The following RPTOR variants were observed in gnomAD, a reference collection of about 807,000 sequenced individuals.
RPTOR encodes the protein regulatory associated protein of MTOR complex 1, also known as regulatory-associated protein of mTOR.
In RPTOR, 21 loss-of-function variants were observed where a neutral mutation model predicts 169.9. The observed-to-expected ratio is 0.12, with a 90% CI of 0.09 to 0.18. RPTOR has a LOEUF of 0.18. RPTOR is among the 10% of genes least tolerant of loss of function. The pLI, the probability that RPTOR is intolerant of heterozygous loss-of-function variation, is 1.00. For missense variants in RPTOR, 1,133 were observed against 1,855.9 expected, an observed-to-expected ratio of 0.61 and a Z score of 7.16; for synonymous variants, 732 against 753.2, an observed-to-expected ratio of 0.97 and a Z score of 0.46.
At chr17:80,616,525 C>T (rs2065311629) in intron 1 of RPTOR, among the ~76,000 whole-genome samples, 1 of 152,178 alleles carries the variant, frequency 6.6e-6, no homozygotes, top group South Asian at 2.1e-4. Context: ...TCTCGAACTC[C>T]TGACCTCGTG....
Position 80,885,021 on chromosome 17 carries a change from C to T in RPTOR, c.1856C>T (p.Ala619Val), listed in dbSNP as rs768126116. Residue 619 changes from alanine (A) to valine (V), a missense_variant, in exon 17 of 34, where the codon GCG becomes GTG. This residue lies in a region of RPTOR where 289 missense variants were observed against 585.8 expected (regional missense o/e 0.49). Coordinates refer to ENST00000306801, the MANE Select transcript of RPTOR (RefSeq NM_020761.3). Reference protein sequence around the residue: ...SDPIPEVRCAAVFALGTFVGN... With the variant: ...SDPIPEVRCAVVFALGTFVGN... ...GCCGCCTTGCAGGTCCGCTGCGCAG[C>T]GGTCTTCGCCCTTGGCACGTTCGTG... is the stretch of plus-strand genomic sequence containing the variant. 24 of 1,609,278 alleles carry T rather than the reference C, an allele frequency of 1.5e-5. No individual in the cohort carries two copies. The highest frequency in any genetic ancestry group is 1.7e-5 in the Non-Finnish European group (20 of 1,178,698).
chr17:80,640,372 A>C (rs1050306682), intron 2 of RPTOR, among the ~76,000 whole-genome samples: 10 of 152,250 alleles, frequency 6.6e-5, no homozygotes, highest in African/African-American at 2.4e-4. Flanking sequence ...AATTATACTT[A>C]ATCAAATGCT....
At chr17:80,655,620 A>C (rs879410314) in intron 3 of RPTOR, among the ~76,000 whole-genome samples, 9 of 147,976 alleles carry the variant, frequency 6.1e-5, no homozygotes, top group Non-Finnish European at 1.3e-4. Context: ...TTTGTCACTC[A>C]GGCTGGAGTG....
chr17:80,837,091 G>A (rs941921498), intron 9 of RPTOR, among the ~76,000 whole-genome samples: 21 of 152,178 alleles, frequency 1.4e-4, no homozygotes, highest in Admixed American at 2.6e-4. Context: ...CACGTTCACC[G>A]TGACGGGAAG....
intron 21 of RPTOR, among the ~76,000 whole-genome samples, chr17:80,916,345 A>G (rs1017980873): frequency 5.9e-5 from 9 of 152,226 alleles, no homozygotes; most frequent in African/African-American, 2.2e-4. Context: ...AGCTGCTTGT[A>G]GTACACCTGG....
At chr17:80,751,305 G>A (rs1598280553) in intron 5 of RPTOR, among the ~76,000 whole-genome samples, 1 of 152,178 alleles carries the variant, frequency 6.6e-6, no homozygotes, top group Admixed American at 6.5e-5. Context: ...GGCAAAAGCA[G>A]CCCTAAAATC....
intron 1 of RPTOR, among the ~76,000 whole-genome samples, chr17:80,599,417 G>T (rs1262757012): frequency 6.6e-6 from 1 of 152,242 alleles, no homozygotes; most frequent in Non-Finnish European, 1.5e-5. Context: ...AGTAAAGGGA[G>T]GTTTGTTAAG....
intron 1 of RPTOR, among the ~76,000 whole-genome samples, chr17:80,610,124 C>A (rs1421593760): frequency 6.6e-6 from 1 of 152,274 alleles, no homozygotes; most frequent in East Asian, 1.9e-4. Context: ...TCCTCATCCT[C>A]CTCTATCTCT....
chr17:80,903,689 G>A (rs1220238790), intron 20 of RPTOR, among the ~76,000 whole-genome samples: 2 of 152,178 alleles, frequency 1.3e-5, no homozygotes, highest in Non-Finnish European at 2.9e-5. Context: ...AAGGCATCGA[G>A]AAGCTGAAAG....
intron 3 of RPTOR, among the ~76,000 whole-genome samples, chr17:80,680,393 T>C (rs1251676805): frequency 6.6e-6 from 1 of 152,204 alleles, no homozygotes; most frequent in African/African-American, 2.4e-5. Context: ...CCCAGCACTT[T>C]GGGAGGCCCA....
intron 3 of RPTOR, among the ~76,000 whole-genome samples, chr17:80,665,606 G>A (rs149284042): frequency 0.027 from 3,806 of 138,452 alleles, 428 homozygotes; most frequent in African/African-American, 0.12. Context: ...GTGCAGTGGC[G>A]TGATCTCGGC....
intron 22 of RPTOR, 112 bp from the exon 23 acceptor site, chr17:80,923,378 G>A: frequency 8.4e-7 from 1 of 1,188,726 alleles, no homozygotes; most frequent in East Asian, 2.4e-5. Context: ...GGACACCCCG[G>A]GCCCTGGTGG....
At chr17:80,818,567 G>A (rs1200469203) in intron 7 of RPTOR, among the ~76,000 whole-genome samples, 1 of 152,182 alleles carries the variant, frequency 6.6e-6, no homozygotes, top group Admixed American at 6.5e-5. Flanking sequence ...GAGGGATGCT[G>A]GACTCGGTTC....
Position 80,721,316 on chromosome 17 carries a change from G to T in RPTOR, c.508-9244G>T, listed in dbSNP as rs76623779. ...GTTCTCACGACTGTGAGTCATTGAGGCTCCTGGACGCGGCGGAAGTGCAAG... is the reference window on the plus strand; with the variant it reads ...GTTCTCACGACTGTGAGTCATTGAGTCTCCTGGACGCGGCGGAAGTGCAAG... On this transcript the variant is annotated intron_variant, in intron 4 of 33. Coordinates refer to ENST00000306801, the MANE Select transcript of RPTOR (RefSeq NM_020761.3). The surrounding 1 kb of genome is among the most constrained non-coding windows in gnomAD (Gnocchi z 4.7). Among the ~76,000 whole-genome samples the T allele has an allele frequency of 2.6e-4, 40 of 151,526 alleles. 4 individuals carry two copies. Among genetic ancestry groups the T allele is most frequent in the African/African-American group, 9.8e-4 (40 of 40,810 alleles).
At chr17:80,596,556 T>G (rs2065146095) in intron 1 of RPTOR, among the ~76,000 whole-genome samples, 1 of 152,216 alleles carries the variant, frequency 6.6e-6, no homozygotes, top group African/African-American at 2.4e-5. Context: ...AGGAGAAGGA[T>G]ACCAAGGTTT....
At chr17:80,827,096 G>T (rs550919550) in intron 9 of RPTOR, among the ~76,000 whole-genome samples, 6 of 152,308 alleles carry the variant, frequency 3.9e-5, no homozygotes, top group African/African-American at 1.4e-4. Context: ...TGAACACCCA[G>T]GGGGCAGCTG....
intron 24 of RPTOR, among the ~76,000 whole-genome samples, chr17:80,927,633 T>C (rs2068826557): frequency 6.8e-6 from 1 of 147,706 alleles, no homozygotes; most frequent in Non-Finnish European, 1.5e-5. Flanking sequence ...TGTCTGTCTG[T>C]CTCTATGTGT....
At chr17:80,932,375 C>G (rs1041329829) in intron 24 of RPTOR, among the ~76,000 whole-genome samples, 1 of 151,940 alleles carries the variant, frequency 6.6e-6, no homozygotes, top group Admixed American at 6.6e-5. Flanking sequence ...TGAGATGCCC[C>G]CAAAAATATA....
intron 3 of RPTOR, among the ~76,000 whole-genome samples, chr17:80,665,366 T>C (rs1280929733): frequency 0.036 from 209 of 5,808 alleles, 1 homozygote; most frequent in African/African-American, 0.2. Flanking sequence ...TCCTTTCCTT[T>C]CCTTTCCTTT....
Sources: gnomAD v4.1 joint callset for allele counts (sites outside exome capture counted in the v4.1 genomes callset) on GRCh38, gnomAD v4.1.1 for gene constraint, gnomAD v4.1.1 regional missense constraint, Gnocchi (gnomAD v3.1) non-coding constraint, MANE v1.5 for transcripts, NCBI Gene and HGNC (gene_info 2026-07-23, HGNC 2026-07-21) for gene names.